ZC3H13: variants seen among roughly 807,000 people sequenced by gnomAD.
ZC3H13 encodes zinc finger CCCH-type containing 13.
ZC3H13 carries 64 observed loss-of-function variants against 204.1 expected under a neutral mutation model. The observed-to-expected ratio is 0.31, with a 90% CI of 0.26 to 0.39. ZC3H13 has a LOEUF of 0.39. ZC3H13 is among the 10% of genes least tolerant of loss of function. The pLI is 1.00. For missense variants in ZC3H13, 1,833 were observed against 2,082.7 expected, an observed-to-expected ratio of 0.88 and a Z score of 2.33; for synonymous variants, 667 against 693.7, an observed-to-expected ratio of 0.96 and a Z score of 0.60.
intron 7 of ZC3H13, 79 bp downstream of exon 7, chr13:46,010,269 C>A: frequency 1.5e-6 from 2 of 1,319,982 alleles, no homozygotes; most frequent in South Asian, 2.2e-5. Flanking sequence ...CTAAAAGTAC[C>A]CTTTTATAAC....
At chr13:46,015,363 C>T in intron 5 of ZC3H13, among the ~76,000 whole-genome samples, 2 of 152,182 alleles carry the variant, frequency 1.3e-5, no homozygotes, top group Middle Eastern at 6.8e-3. Flanking sequence ...TTTGTAGAAA[C>T]TCATTATATG....
At chr13:46,025,892 T>TA (rs56296632) in intron 4 of ZC3H13, among the ~76,000 whole-genome samples, 13 of 147,358 alleles carry the variant, frequency 8.8e-5, no homozygotes, top group Middle Eastern at 3.5e-3. Flanking sequence ...TGATTAAAGC[T>TA]AAAAAAAAAA....
chr13:46,032,905 C>A (rs2042986002), intron 4 of ZC3H13, among the ~76,000 whole-genome samples: 1 of 151,890 alleles, frequency 6.6e-6, no homozygotes, highest in Non-Finnish European at 1.5e-5. Flanking sequence ...AAAATGTATA[C>A]AGTAATGCTA....
chr13:46,009,191 AG>A (rs1338385790), intron 7 of ZC3H13, among the ~76,000 whole-genome samples: 2 of 152,152 alleles, frequency 1.3e-5, no homozygotes, highest in African/African-American at 4.8e-5. Context: ...TTGAGATAGA[AG>A]GGGGTAGATA....
At chr13:45,968,172 T>G (rs75405094) in intron 14 of ZC3H13, 144 bp from the exon 15 acceptor site, 3 of 604,434 alleles carry the variant, frequency 5.0e-6, no homozygotes, top group Non-Finnish European at 7.7e-6. Flanking sequence ...TCTCTATATG[T>G]TCTATATATT....
chr13:45,989,058 A>G lies in ZC3H13; in HGVS notation c.984T>C (p.Ser328=). Reference sequence around the variant, plus strand: ...GTGAGGAAGATGAGTGATGTCTAGAAGATATAGGAGAATGATGCTGTCCTG... The same window carrying G: ...GTGAGGAAGATGAGTGATGTCTAGAGGATATAGGAGAATGATGCTGTCCTG... ...SPAGQHHSPI[S]SRHHSSSSQS... Residue 328 remains serine (S), a synonymous_variant, in exon 9 of 19, where the codon TCT becomes TCC. Transcript: ENST00000679008. 1 of 1,614,172 alleles carries G rather than the reference A, an allele frequency of 6.2e-7. No individual in the cohort carries two copies. The highest frequency in any genetic ancestry group is 1.1e-5 in the South Asian group (1 of 91,090).
chr13:46,052,591 A>G lies in ZC3H13; in HGVS notation c.-197T>C. 1 of 398,750 alleles carries G rather than the reference A, an allele frequency of 2.5e-6. No homozygotes were observed. Among genetic ancestry groups the G allele is most frequent in the Non-Finnish European group, 4.4e-6 (1 of 226,172 alleles). The allele number at this position is 398,750 out of a possible 1,614,324, so 24.7% of individuals were successfully genotyped here. A position where few individuals can be genotyped will look rare whatever the true frequency, so the allele number is the denominator to read the frequency against. On this transcript the variant is annotated 5_prime_UTR_variant, in exon 1 of 19. Transcript: ENST00000679008. ...CGAGGAGCCCCCGGGATGGCTGAGA[A>G]GCAGAACCAACCCGCCCGCCGCCTC...
At chr13:46,020,420 G>A (rs764984643) in intron 5 of ZC3H13, 29 bp downstream of exon 5, 30 of 1,539,310 alleles carry the variant, frequency 1.9e-5, no homozygotes, top group Admixed American at 1.4e-4. Flanking sequence ...TCAAGAATTC[G>A]CCATTTAAAC....
At chr13:46,013,782 A>C (rs1273988914) in intron 5 of ZC3H13, among the ~76,000 whole-genome samples, 1 of 152,238 alleles carries the variant, frequency 6.6e-6, no homozygotes, top group Admixed American at 6.5e-5. Context: ...GAAAAATATC[A>C]AGTATAATTA....
chr13:45,977,434 C>A (rs2138053959), intron 11 of ZC3H13, among the ~76,000 whole-genome samples: 1 of 152,234 alleles, frequency 6.6e-6, no homozygotes, highest in South Asian at 2.1e-4. Flanking sequence ...AATATCAATG[C>A]TACTTTCTTC....
chr13:46,047,832 TA>T (rs1256623042), intron 1 of ZC3H13, among the ~76,000 whole-genome samples: 4 of 152,186 alleles, frequency 2.6e-5, no homozygotes, highest in East Asian at 1.9e-4. Flanking sequence ...CATTTCTTAA[TA>T]AACAAAATTG....
chr13:45,960,721 A>G (rs537959682), intron 17 of ZC3H13, among the ~76,000 whole-genome samples: 2 of 152,368 alleles, frequency 1.3e-5, no homozygotes, highest in Non-Finnish European at 2.9e-5. Flanking sequence ...GGTCAAGAGT[A>G]CGAAAGACAG....
rs1340547855 is a variant in ZC3H13, at chr13:46,042,149, G to A, written c.339+15C>T. On this transcript the variant is annotated intron_variant, in intron 4 of 18. Coordinates refer to ENST00000679008, the MANE Select transcript of ZC3H13 (RefSeq NM_001330564.2). ...CTACTGAAGTTGAACTTTGTTTTGG[G>A]AAATTCAATCCTACCCTAACAGGTG... The A allele has an allele frequency of 1.2e-6, 2 of 1,602,190 alleles. No individual in the cohort carries two copies. Among genetic ancestry groups the A allele is most frequent in the South Asian group, 1.1e-5 (1 of 89,958 alleles).
intron 17 of ZC3H13, chr13:45,962,691 T>C (rs1951777254): frequency 1.0e-6 from 1 of 980,904 alleles, no homozygotes; most frequent in African/African-American, 1.7e-5. Flanking sequence ...CATGAATTCA[T>C]AAAACTCATA....
rs772674674 is a variant in ZC3H13, at chr13:45,969,953, A to C, written c.2591T>G (p.Leu864Trp). The C allele has an allele frequency of 6.2e-7, 1 of 1,609,646 alleles. No individual in the cohort carries two copies. Among genetic ancestry groups the C allele is most frequent in the Non-Finnish European group, 8.5e-7 (1 of 1,178,978 alleles). Residue 864 changes from leucine (L) to tryptophan (W), a missense_variant, in exon 14 of 19, where the codon TTG becomes TGG. Leu to Trp is a moderately conservative substitution (Grantham distance 61, BLOSUM62 -2). Transcript: ENST00000679008. Reference sequence around the variant, plus strand: ...TTCTTGAGGTCGTACAACTTGGCTCAAGAGTCTGTGTTTTTCATCTATATA... The same window carrying C: ...TTCTTGAGGTCGTACAACTTGGCTCCAGAGTCTGTGTTTTTCATCTATATA... Reference protein sequence around the residue: ...GDDKNEKHRLLSQVVRPQESR... With the variant: ...GDDKNEKHRLWSQVVRPQESR...
intron 9 of ZC3H13, among the ~76,000 whole-genome samples, chr13:45,987,121 T>TA (rs2039598485): frequency 6.6e-6 from 1 of 152,170 alleles, no homozygotes; most frequent in African/African-American, 2.4e-5. Flanking sequence ...CAAATACGTC[T>TA]AGGTACTGTA....
In ZC3H13 at chr13:45,959,532, CACA is replaced by C. The variant is rs1351042323; in HGVS notation, c.4787_4789del (p.Leu1596del). ...TCGAATTGCAGAATCCCGTCTGAAG[CACA>C]ACGCCTTACAACATGGGCCAAGATT... On this transcript the variant is annotated inframe_deletion, in exon 18 of 19. Coordinates refer to ENST00000679008, the MANE Select transcript of ZC3H13 (RefSeq NM_001330564.2). 1 of 1,547,766 alleles carries C rather than the reference CACA, an allele frequency of 6.5e-7. No homozygotes were observed. The highest frequency in any genetic ancestry group is 2.5e-5 in the East Asian group (1 of 40,654).
Position 45,967,440 on chromosome 13 carries a change from G to T in ZC3H13, c.4321+64C>A, listed in dbSNP as rs914864181. ...GTGGGTGCCCTTTCAAAAGAAAATAGTTGTTTCCCACGAAATCTGAAAAGA... is the reference window on the plus strand; with the variant it reads ...GTGGGTGCCCTTTCAAAAGAAAATATTTGTTTCCCACGAAATCTGAAAAGA... On this transcript the variant is annotated intron_variant, in intron 15 of 18. Transcript: ENST00000679008. 5 of 1,481,026 alleles carry T rather than the reference G, an allele frequency of 3.4e-6. No individual in the cohort carries two copies. In the African/African-American group the frequency reaches 7.0e-5, roughly 21 times the overall value. 91.7% of individuals were successfully genotyped at this position (1,481,026 alleles called of 1,614,324 possible).
intron 17 of ZC3H13, among the ~76,000 whole-genome samples, chr13:45,961,101 G>A (rs1430037037): frequency 6.6e-6 from 1 of 151,972 alleles, no homozygotes; most frequent in Non-Finnish European, 1.5e-5. Context: ...CACCATAGTT[G>A]GACTAGAATA....
Sources: allele counts gnomAD v4.1 joint callset (sites outside exome capture counted in the v4.1 genomes callset), GRCh38; gene constraint gnomAD v4.1.1; transcripts MANE v1.5; gene names NCBI Gene and HGNC (gene_info 2026-07-23, HGNC 2026-07-21).